The following LMNA variants were observed in gnomAD, a reference collection of about 807,000 sequenced individuals.
LMNA encodes the protein lamin.
LMNA carries 20 observed loss-of-function variants against 70.4 expected under a neutral mutation model. That is an observed-to-expected ratio of 0.28 (90% CI 0.20 to 0.41). LMNA has a LOEUF of 0.41. Among genes scored for constraint, LMNA ranks in the 10% least tolerant of loss-of-function variants. The probability of loss-of-function intolerance (pLI) is 1.00; values close to 1 mark genes in which losing one functional copy is unlikely to be tolerated. For missense variants in LMNA, 652 were observed against 917.2 expected (o/e 0.71, Z 3.73); for synonymous variants, 339 against 372.8 (o/e 0.91, Z 1.04).
intron 1 of LMNA, among the ~76,000 whole-genome samples, chr1:156,117,561 C>G (rs982355457): frequency 1.3e-5 from 2 of 152,002 alleles, no homozygotes; most frequent in Non-Finnish European, 2.9e-5. Flanking sequence ...TAGGGTTTCA[C>G]TCTGTTACCC....
rs28928902 is a variant in LMNA at position 156,136,951 on chromosome 1, C to G, written c.1411C>G (p.Arg471Gly). 1 of 1,613,962 alleles carries G rather than the reference C, an allele frequency of 6.2e-7. No homozygotes were observed. Among genetic ancestry groups the G allele is most frequent in the Non-Finnish European group, 8.5e-7 (1 of 1,180,002 alleles). The change falls in exon 8 of 12, where the codon CGC becomes GGC. Residue 471 changes from arginine (R) to glycine (G), a missense_variant. Physicochemically the swap from Arg to Gly is moderately radical, Grantham distance 125 (BLOSUM62 -2). Transcript: ENST00000368300. This position sits in a 1 kb window ranked among gnomAD's most constrained non-coding sequence, Gnocchi z 6.1. Reference sequence around the variant, plus strand: ...GTCCATGGGCAATTGGCAGATCAAGCGCCAGAATGGAGATGATCCCTTGCT... The same window carrying G: ...GTCCATGGGCAATTGGCAGATCAAGGGCCAGAATGGAGATGATCCCTTGCT... The part of the protein sequence containing the change: ...DQSMGNWQIK[R>G]QNGDDPLLTY...
chr1:156,092,877 CTTTTCTTT>C (rs1273293811), intron 3 of LMNA, among the ~76,000 whole-genome samples: 23 of 149,604 alleles, frequency 1.5e-4, no homozygotes, highest in Admixed American at 4.0e-4. Context: ...TCTTTCTTTT[CTTTTCTTT>C]TTTTCTTTTT....
rs1302099752 is a variant in LMNA at position 156,139,628 on chromosome 1, G to A, written c.*522G>A. ...GAGGACAGCTTGAGCCGGGCCCCTG[G>A]GCTTGGCCTGCTGTGATTCCACTAC... On this transcript the variant is annotated 3_prime_UTR_variant, in exon 12 of 12. Transcript: ENST00000368300. 1.4e-6 allele frequency: 2 copies of A among 1,449,506 alleles called. No individual in the cohort carries two copies. The highest frequency in any genetic ancestry group is 5.0e-5 in the Admixed American group (2 of 39,906). 89.8% of individuals were successfully genotyped at this position (1,449,506 alleles called of 1,614,324 possible).
At chr1:156,112,871 C>T (rs1290922188), upstream of LMNA, among the ~76,000 whole-genome samples, 4 of 152,184 alleles carry the variant, frequency 2.6e-5, no homozygotes, top group African/African-American at 9.7e-5. Context: ...GCCCTGATAT[C>T]TTGGAGCTGT....
At position 156,137,205 on chromosome 1, in the gene LMNA, T is replaced by C; in HGVS notation, c.1581T>C (p.Arg527=). 1 of 1,598,248 alleles carries C rather than the reference T, an allele frequency of 6.3e-7. No individual in the cohort carries two copies. The highest frequency in any genetic ancestry group is 8.5e-7 in the Non-Finnish European group (1 of 1,173,562). ...CCTGGGGCTGCGGGAACAGCCTGCG[T>C]ACGGCTCTCATCAACTCCACTGGGG... ...QNTWGCGNSL[R]TALINSTGEE... is the part of the protein sequence containing the mutation. The change falls in exon 9 of 12, where the codon CGT becomes CGC. Residue 527 remains arginine (R), a synonymous_variant. Transcript: ENST00000368300. This position sits in a 1 kb window ranked among gnomAD's most constrained non-coding sequence, Gnocchi z 4.6.
At position 156,138,806 on chromosome 1, in the gene LMNA, C is replaced by T. The variant is rs913566904; in HGVS notation, c.1968+49C>T. The T allele has an allele frequency of 1.1e-5, 18 of 1,611,062 alleles. No individual in the cohort carries two copies. Among genetic ancestry groups the T allele is most frequent in the African/African-American group, 5.3e-5 (4 of 74,860 alleles). On this transcript the variant is annotated intron_variant, in intron 11 of 11. Transcript: ENST00000368300. This position sits in a 1 kb window ranked among gnomAD's most constrained non-coding sequence, Gnocchi z 5.5. ...CAAATCCTGCAGGCGGGTCCCTGGT[C>T]ATCGAGGGGTAGGACGAGGTGGCCT...
At chr1:156,083,915 A>AGTGTAAT in intron 2 of LMNA, among the ~76,000 whole-genome samples, 1 of 152,300 alleles carries the variant, frequency 6.6e-6, no homozygotes, top group East Asian at 1.9e-4. Flanking sequence ...AGGAAGGTGG[A>AGTGTAAT]GTGTAATGCA....
chr1:156,137,768 C>T lies in LMNA; in HGVS notation c.1698+25C>T, dbSNP rs727504435. On this transcript the variant is annotated intron_variant, in intron 10 of 11. Coordinates refer to ENST00000368300, the MANE Select transcript of LMNA (RefSeq NM_170707.4). This position sits in a 1 kb window ranked among gnomAD's most constrained non-coding sequence, Gnocchi z 4.6. ...CGTGAGTGGTAGCCGCCGCTGAGGC[C>T]GAGCCTGCACTGGGGCCACCCAGCC... The T allele has an allele frequency of 8.4e-6, 13 of 1,547,060 alleles. No individual in the cohort carries two copies. The African/African-American group carries it at 9.6e-5, about 11-fold the overall frequency.
At chr1:156,087,165 G>A (rs1007447776) in intron 2 of LMNA, among the ~76,000 whole-genome samples, 12 of 152,062 alleles carry the variant, frequency 7.9e-5, no homozygotes, top group Admixed American at 3.9e-4. Context: ...CTTCTCTCAG[G>A]ATGCCTTCTC....
chr1:156,131,761 T>C (rs747291658), intron 2 of LMNA, among the ~76,000 whole-genome samples: 10 of 152,196 alleles, frequency 6.6e-5, no homozygotes, highest in Non-Finnish European at 1.2e-4. Context: ...TGATCATTTA[T>C]TGAGGCCATC....
chr1:156,129,776 CA>C, intron 1 of LMNA: 1 of 715,342 alleles, frequency 1.4e-6, no homozygotes, highest in Non-Finnish European at 2.6e-6. Flanking sequence ...GTGGCAGAGG[CA>C]GCGCTGTTCG....
In LMNA at chr1:156,136,875, C is replaced by T. The variant is rs1285440007; in HGVS notation, c.1381-46C>T. Reference sequence around the variant, plus strand: ...CCTTTGAGCAAGATACACCCAAGAGCCTGGGTGAGCCTCCCCGACCTTCCT... The same window carrying T: ...CCTTTGAGCAAGATACACCCAAGAGTCTGGGTGAGCCTCCCCGACCTTCCT... On this transcript the variant is annotated intron_variant, in intron 7 of 11. Coordinates refer to ENST00000368300, the MANE Select transcript of LMNA (RefSeq NM_170707.4). The surrounding 1 kb of genome is among the most constrained non-coding windows in gnomAD (Gnocchi z 6.1). 6.5e-7 allele frequency: 1 copy of T among 1,531,498 alleles called. No individual in the cohort carries two copies. The highest frequency in any genetic ancestry group is 1.8e-5 in the Admixed American group (1 of 54,796). 94.9% of individuals were successfully genotyped at this position (1,531,498 alleles called of 1,614,324 possible). A position where few individuals can be genotyped will look rare whatever the true frequency, so the allele number is the denominator to read the frequency against.
upstream of LMNA, among the ~76,000 whole-genome samples, chr1:156,111,752 T>C (rs556874220): frequency 7.2e-5 from 11 of 152,336 alleles, no homozygotes; most frequent in South Asian, 2.1e-3. Flanking sequence ...CTACCCATAC[T>C]ACAGGTAAGA....
Position 156,137,920 on chromosome 1 carries a change from C to G in LMNA, c.1698+177C>G. On this transcript the variant is annotated intron_variant, in intron 10 of 11. Transcript: ENST00000368300. This position sits in a 1 kb window ranked among gnomAD's most constrained non-coding sequence, Gnocchi z 4.6. ...CTCCCTATACCTTGAACAGGGAACC[C>G]AGGTGTCTGGGTGCCCTACTCTGGT... 7.3e-7 allele frequency: 1 copy of G among 1,375,746 alleles called. No homozygotes were observed. Among genetic ancestry groups the G allele is most frequent in the Non-Finnish European group, 9.7e-7 (1 of 1,029,082 alleles). The allele number at this position is 1,375,746 out of a possible 1,614,324, so 85.2% of individuals were successfully genotyped here.
intron 1 of LMNA, chr1:156,126,797 A>C: frequency 6.2e-7 from 1 of 1,607,792 alleles, no homozygotes; most frequent in Non-Finnish European, 8.5e-7. Context: ...TCAAGAGGCC[A>C]CTGGGATGCA....
chr1:156,126,708 C>T, intron 1 of LMNA: 2 of 1,549,754 alleles, frequency 1.3e-6, no homozygotes, highest in South Asian at 1.2e-5. Flanking sequence ...CCCTCCCCAC[C>T]CCCTCTCTTC....
intron 1 of LMNA, among the ~76,000 whole-genome samples, chr1:156,121,016 C>G (rs915846875): frequency 6.0e-5 from 9 of 150,776 alleles, no homozygotes; most frequent in Non-Finnish European, 1.0e-4. Flanking sequence ...CCTGGTGTTA[C>G]CTCTCCAACC....
At chr1:156,123,385 A>AC (rs1650333042) in intron 1 of LMNA, 1 of 152,242 alleles carries the variant, frequency 6.6e-6, no homozygotes, top group Non-Finnish European at 1.5e-5. Flanking sequence ...CAGTGAGACC[A>AC]GACTGCCTAG....
At chr1:156,085,008 T>G (rs1648425705) in intron 2 of LMNA, among the ~76,000 whole-genome samples, 1 of 152,216 alleles carries the variant, frequency 6.6e-6, no homozygotes, top group Non-Finnish European at 1.5e-5. Context: ...GCAGGGTCCC[T>G]ACTGGACCCA....
Sources: gnomAD v4.1 joint callset for allele counts (sites outside exome capture counted in the v4.1 genomes callset) on GRCh38, gnomAD v4.1.1 for gene constraint, Gnocchi (gnomAD v3.1) non-coding constraint, MANE v1.5 for transcripts, NCBI Gene and HGNC (gene_info 2026-07-23, HGNC 2026-07-21) for gene names.